CDH5: variants seen among roughly 807,000 people sequenced by gnomAD.
CDH5 encodes cadherin-5.
In CDH5, 28 loss-of-function variants were observed where a neutral mutation model predicts 62.0. That is an observed-to-expected ratio of 0.45 (90% CI 0.33 to 0.62). CDH5 has a LOEUF of 0.62. Ranked by LOEUF, CDH5 falls within the 20% of genes least tolerant of loss-of-function variation. The pLI, the probability that CDH5 is intolerant of heterozygous loss-of-function variation, is 0.02. For synonymous variants in CDH5, 464 were observed against 445.8 expected (o/e 1.04, Z -0.52); for missense variants, 940 against 1,065.1 (o/e 0.88, Z 1.63).
intron 1 of CDH5, among the ~76,000 whole-genome samples, chr16:66,374,384 C>T (rs1009774176): frequency 6.6e-6 from 1 of 152,184 alleles, no homozygotes; most frequent in Admixed American, 6.5e-5. Flanking sequence ...CCTCCCTCTG[C>T]CCTGGCAAAT....
Position 66,390,475 on chromosome 16 carries a change from C to A in CDH5, c.854C>A (p.Pro285Gln). 1 of 1,614,078 alleles carries A rather than the reference C, an allele frequency of 6.2e-7. No individual in the cohort carries two copies. The highest frequency in any genetic ancestry group is 8.5e-7 in the Non-Finnish European group (1 of 1,180,004). ...TSVGSLFVEDPDEPQNRMTKY... is the reference protein window; with the variant it reads ...TSVGSLFVEDQDEPQNRMTKY... The stretch of plus-strand genomic sequence containing the variant: ...GTGGGCTCTCTGTTTGTTGAGGACC[C>A]AGATGAGCCCCAGAACCGGATGACC... The change falls in exon 6 of 12, where the codon CCA becomes CAA. Residue 285 changes from proline to glutamine, a missense_variant. Physicochemically the swap from Pro to Gln is moderately conservative, Grantham distance 76. Coordinates refer to ENST00000341529, the MANE Select transcript of CDH5 (RefSeq NM_001795.5).
At position 66,402,977 on chromosome 16, in the gene CDH5, CG is replaced by C; in HGVS notation, c.2165del (p.Gly722AlafsTer18). On this transcript the variant is annotated frameshift_variant, in exon 12 of 12. Coordinates refer to ENST00000341529, the MANE Select transcript of CDH5 (RefSeq NM_001795.5). LOFTEE classifies it high-confidence loss of function. ...KKDEADHDGD[G>X]PPYDTLHIYG... Reference sequence around the variant, plus strand: ...AGGACGAGGCGGACCACGACGGCGACGGCCCCCCCTACGACACGCTGCACAT... The same window carrying C: ...AGGACGAGGCGGACCACGACGGCGACGCCCCCCCTACGACACGCTGCACAT... 3 of 1,613,106 alleles carry C rather than the reference CG, an allele frequency of 1.9e-6. No homozygotes were observed. Among genetic ancestry groups the C allele is most frequent in the Non-Finnish European group, 2.5e-6 (3 of 1,179,904 alleles).
At position 66,403,365 on chromosome 16, in the gene CDH5, T is replaced by G; in HGVS notation, c.*196T>G. 1 of 596,286 alleles carries G rather than the reference T, an allele frequency of 1.7e-6. No homozygotes were observed. The highest frequency in any genetic ancestry group is 2.0e-5 in the South Asian group (1 of 49,186). The allele number at this position is 596,286 out of a possible 1,614,324, so 36.9% of individuals were successfully genotyped here. On this transcript the variant is annotated 3_prime_UTR_variant, in exon 12 of 12. Transcript: ENST00000341529. The surrounding 1 kb of genome is among the most constrained non-coding windows in gnomAD (Gnocchi z 4.3). ...AATATCCAGGAATATATGTCAGTGATGACTATTCTCAAATGCTGGCAAATC... is the reference window on the plus strand; with the variant it reads ...AATATCCAGGAATATATGTCAGTGAGGACTATTCTCAAATGCTGGCAAATC...
chr16:66,394,697 C>T (rs909907920), intron 7 of CDH5, among the ~76,000 whole-genome samples: 1 of 152,066 alleles, frequency 6.6e-6, no homozygotes, highest in Non-Finnish European at 1.5e-5. Context: ...TATAGACATA[C>T]ACACACCCAT....
chr16:66,371,654 C>T (rs909065891), intron 1 of CDH5, among the ~76,000 whole-genome samples: 1 of 152,160 alleles, frequency 6.6e-6, no homozygotes, highest in African/African-American at 2.4e-5. Flanking sequence ...CTGCCCCACC[C>T]CTGAGGCCCT....
chr16:66,377,206 C>T (rs1157549683), intron 1 of CDH5: 2 of 152,426 alleles, frequency 1.3e-5, no homozygotes, highest in Non-Finnish European at 2.9e-5. Context: ...CCAGGACTCC[C>T]AACCTGCCTC....
At chr16:66,401,179 G>A (rs1185290699) in intron 11 of CDH5, among the ~76,000 whole-genome samples, 163 bp downstream of exon 11, 2 of 152,244 alleles carry the variant, frequency 1.3e-5, no homozygotes, top group Non-Finnish European at 2.9e-5. Flanking sequence ...GCAGGATGCA[G>A]GATGTGAGCT....
intron 4 of CDH5, among the ~76,000 whole-genome samples, chr16:66,388,990 T>G (rs1345603697): frequency 6.6e-6 from 1 of 152,214 alleles, no homozygotes; most frequent in Non-Finnish European, 1.5e-5. Flanking sequence ...AGAAGTCCAG[T>G]GGAACTGTCT....
intron 10 of CDH5, among the ~76,000 whole-genome samples, chr16:66,400,301 T>G (rs1961257876): frequency 6.6e-6 from 1 of 152,248 alleles, no homozygotes; most frequent in Admixed American, 6.5e-5. Context: ...TTTTTACTGT[T>G]TTCAACAATG....
At chr16:66,390,785 C>G (rs191565459) in intron 6 of CDH5, among the ~76,000 whole-genome samples, 195 bp downstream of exon 6, 284 of 152,296 alleles carry the variant, frequency 1.9e-3, no homozygotes, top group African/African-American at 6.5e-3. Flanking sequence ...AAGGCCATGA[C>G]TGGGTGTAAA....
At position 66,387,201 on chromosome 16, in the gene CDH5, C is replaced by A; in HGVS notation, c.499+104C>A. 5 of 1,095,774 alleles carry A rather than the reference C, an allele frequency of 4.6e-6. No homozygotes were observed. The South Asian group carries it at 4.8e-5, about 10-fold the overall frequency. 67.9% of individuals were successfully genotyped at this position (1,095,774 alleles called of 1,614,324 possible). A position where few individuals can be genotyped will look rare whatever the true frequency, so the allele number is the denominator to read the frequency against. On this transcript the variant is annotated intron_variant, in intron 3 of 11. Transcript: ENST00000341529. The stretch of plus-strand genomic sequence containing the variant: ...GCCTGGGGTAGGAATCCAGTGAGTT[C>A]AGGGTAGTGATTGTAATGCCTGTGT...
At chr16:66,387,267 A>G (rs1232676296) in intron 3 of CDH5, among the ~76,000 whole-genome samples, 170 bp downstream of exon 3, 1 of 152,262 alleles carries the variant, frequency 6.6e-6, no homozygotes, top group Non-Finnish European at 1.5e-5. Context: ...AGTTCCTAAC[A>G]AGCTCTGATC....
At position 66,379,125 on chromosome 16, in the gene CDH5, G is replaced by A. The variant is rs539797529; in HGVS notation, c.-19-194G>A. 6.5e-4 allele frequency: 362 copies of A among 552,976 alleles called. 2 individuals are homozygous for A. In the African/African-American group the frequency reaches 7.5e-3, roughly 11 times the overall value. 34.3% of individuals were successfully genotyped at this position (552,976 alleles called of 1,614,324 possible). A position where few individuals can be genotyped will look rare whatever the true frequency, so the allele number is the denominator to read the frequency against. On this transcript the variant is annotated intron_variant, in intron 1 of 11. Transcript: ENST00000341529. ...TTAAATGCGCTTGTTTACTCATGTT[G>A]TCCTAAAACCGACCTTTCATCCGAG...
At chr16:66,373,289 A>G (rs1202342794) in intron 1 of CDH5, among the ~76,000 whole-genome samples, 1 of 152,150 alleles carries the variant, frequency 6.6e-6, no homozygotes, top group Non-Finnish European at 1.5e-5. Context: ...GCCAAGAGAA[A>G]TTCAGTTTTC....
rs775912896 is a variant in CDH5, at chr16:66,402,621, C to A, written c.1838-31C>A. 86 of 1,525,618 alleles carry A rather than the reference C, an allele frequency of 5.6e-5. 1 individual carries two copies. The highest frequency in any genetic ancestry group is 4.6e-4 in the Admixed American group (23 of 49,804). The allele number at this position is 1,525,618 out of a possible 1,614,324, so 94.5% of individuals were successfully genotyped here. A position where few individuals can be genotyped will look rare whatever the true frequency, so the allele number is the denominator to read the frequency against. ...GGGCCGCCCAGGCCCCCAGCCTTGT[C>A]TGACTCTGCTGCTCGGCTCCCTGGC... On this transcript the variant is annotated intron_variant, in intron 11 of 11. Transcript: ENST00000341529.
intron 8 of CDH5, 47 bp downstream of exon 8, chr16:66,396,248 C>G (rs1961183922): frequency 6.2e-7 from 1 of 1,609,860 alleles, no homozygotes; most frequent in Non-Finnish European, 8.5e-7. Context: ...TTCCTTTTCC[C>G]TCATTCTTCC....
intron 7 of CDH5, 64 bp downstream of exon 7, chr16:66,392,447 T>C: frequency 1.9e-6 from 3 of 1,593,218 alleles, no homozygotes; most frequent in Non-Finnish European, 2.6e-6. Context: ...CTATGCCTGC[T>C]GGTCTGAGGC....
In CDH5 at chr16:66,403,068, G is replaced by A. The variant is rs1303329366; in HGVS notation, c.2254G>A (p.Asp752Asn). Reference protein sequence around the residue: ...SLSSLGTDSSDSDVDYDFLND... With the variant: ...SLSSLGTDSSNSDVDYDFLND... Reference sequence around the variant, plus strand: ...CAGCTCCCTGGGCACCGACTCATCCGACTCTGACGTGGATTACGACTTCCT... The same window carrying A: ...CAGCTCCCTGGGCACCGACTCATCCAACTCTGACGTGGATTACGACTTCCT... Residue 752 changes from aspartate (D) to asparagine (N), a missense_variant, in exon 12 of 12, where the codon GAC (aspartate) becomes AAC (asparagine). Asp to Asn is a conservative substitution (Grantham distance 23, BLOSUM62 1). Transcript: ENST00000341529. This position sits in a 1 kb window ranked among gnomAD's most constrained non-coding sequence, Gnocchi z 4.3. 1.2e-6 allele frequency: 2 copies of A among 1,613,676 alleles called. No individual in the cohort carries two copies. Among genetic ancestry groups the A allele is most frequent in the Admixed American group, 1.7e-5 (1 of 59,958 alleles).
intron 1 of CDH5, among the ~76,000 whole-genome samples, chr16:66,373,385 C>CA (rs1461882987): frequency 6.6e-6 from 1 of 151,128 alleles, no homozygotes; most frequent in Non-Finnish European, 1.5e-5. Flanking sequence ...CCCTTCCCTG[C>CA]AGCCCCCATT....
Sources: gnomAD v4.1 joint callset for allele counts (sites outside exome capture counted in the v4.1 genomes callset) on GRCh38, gnomAD v4.1.1 for gene constraint, Gnocchi (gnomAD v3.1) non-coding constraint, MANE v1.5 for transcripts, NCBI Gene and HGNC (gene_info 2026-07-23, HGNC 2026-07-21) for gene names.